KCNQ1: variants seen among roughly 807,000 people sequenced by gnomAD.
The protein encoded by KCNQ1 is potassium voltage-gated channel subfamily KQT member 1.
KCNQ1 carries 49 observed loss-of-function variants against 72.4 expected under a neutral mutation model. The ratio of observed to expected loss-of-function variants is 0.68; its 90% confidence interval spans 0.54 to 0.86. The LOEUF is 0.86. Ranked by LOEUF, KCNQ1 falls within the 40% of genes least tolerant of loss-of-function variation. The pLI is 0.00. For synonymous variants in KCNQ1, 450 were observed against 412.6 expected (o/e 1.09, Z -1.10); for missense variants, 790 against 945.1 (o/e 0.84, Z 2.15).
At chr11:2,578,389 A>T (rs983249323) in intron 6 of KCNQ1, among the ~76,000 whole-genome samples, 1 of 152,198 alleles carries the variant, frequency 6.6e-6, no homozygotes, top group South Asian at 2.1e-4. Flanking sequence ...GCCCTCACTC[A>T]TAGGGCATTG....
rs1029194196 is a variant in KCNQ1, at chr11:2,450,072, C to A, written c.386+4588C>A. On this transcript the variant is annotated intron_variant, in intron 1 of 15. Transcript: ENST00000155840. This position sits in a 1 kb window ranked among gnomAD's most constrained non-coding sequence, Gnocchi z 7.9. Reference sequence around the variant, plus strand: ...TCGGCCCTAGGCAGGGCCCCCAGTTCCCTGCATTCCACCCGCCTTGTCTGG... The same window carrying A: ...TCGGCCCTAGGCAGGGCCCCCAGTTACCTGCATTCCACCCGCCTTGTCTGG... Among the ~76,000 whole-genome samples, 1 of 152,210 alleles carries A rather than the reference C, an allele frequency of 6.6e-6. No homozygotes were observed. The highest frequency in any genetic ancestry group is 1.5e-5 in the Non-Finnish European group (1 of 68,030).
intron 1 of KCNQ1, among the ~76,000 whole-genome samples, chr11:2,453,480 A>AC (rs1299824294): frequency 6.6e-6 from 1 of 152,214 alleles, no homozygotes; most frequent in Non-Finnish European, 1.5e-5. Flanking sequence ...GTTTCTGAAA[A>AC]CAGAAGAAAA....
intron 15 of KCNQ1, among the ~76,000 whole-genome samples, chr11:2,805,618 G>A (rs948164400): frequency 3.9e-5 from 6 of 152,300 alleles, no homozygotes; most frequent in African/African-American, 9.6e-5. Context: ...GAGTTGAGTC[G>A]TTGTAACAGA....
intron 11 of KCNQ1, among the ~76,000 whole-genome samples, chr11:2,726,924 C>T (rs1237463435): frequency 6.6e-6 from 1 of 152,182 alleles, no homozygotes; most frequent in Non-Finnish European, 1.5e-5. Context: ...AAAGGGAACA[C>T]ATTTGCCTCC....
intron 1 of KCNQ1, among the ~76,000 whole-genome samples, chr11:2,469,366 C>T (rs375600148): frequency 4.6e-5 from 7 of 151,934 alleles, no homozygotes; most frequent in Non-Finnish European, 7.4e-5. Flanking sequence ...CTCTGCCTCC[C>T]GGGTTCAAGT....
chr11:2,725,646 G>T lies in KCNQ1; in HGVS notation c.1515-43198G>T, dbSNP rs1349002227. Among the ~76,000 whole-genome samples the T allele has an allele frequency of 6.6e-6, 1 of 152,164 alleles. No homozygotes were observed. The highest frequency in any genetic ancestry group is 1.5e-5 in the Non-Finnish European group (1 of 68,034). On this transcript the variant is annotated intron_variant, in intron 11 of 15. Coordinates refer to ENST00000155840, the MANE Select transcript of KCNQ1 (RefSeq NM_000218.3). This position sits in a 1 kb window ranked among gnomAD's most constrained non-coding sequence, Gnocchi z 7.2. ...CCCTTTCCATGAGGCTGGGCGCCCT[G>T]CCCTGCCTTCAGTGCCAAAGCCCCA... is the stretch of plus-strand genomic sequence containing the variant.
At position 2,549,450 on chromosome 11, in the gene KCNQ1, A is replaced by T. The variant is rs1469081501; in HGVS notation, c.478-21178A>T. Among the ~76,000 whole-genome samples the T allele has an allele frequency of 6.6e-6, 1 of 152,132 alleles. No homozygotes were observed. The highest frequency in any genetic ancestry group is 2.4e-5 in the African/African-American group (1 of 41,422). ...TTTGAGGCCTCAGATTTTCTACCTC[A>T]AAGCGATGGAACCCAGAAGACATGG... On this transcript the variant is annotated intron_variant, in intron 2 of 15. Transcript: ENST00000155840. This position sits in a 1 kb window ranked among gnomAD's most constrained non-coding sequence, Gnocchi z 6.2.
At chr11:2,805,558 C>T (rs1028738284) in intron 15 of KCNQ1, among the ~76,000 whole-genome samples, 3 of 152,214 alleles carry the variant, frequency 2.0e-5, no homozygotes, top group East Asian at 1.9e-4. Context: ...CACATAGCCA[C>T]GCCCACCGGT....
chr11:2,628,148 A>G, intron 10 of KCNQ1: 1 of 398,532 alleles, frequency 2.5e-6, no homozygotes, highest in African/African-American at 2.1e-5. Context: ...CCTTAGATAT[A>G]CCCGGAACTG....
At chr11:2,636,735 G>A (rs1229259264) in intron 10 of KCNQ1, 1 of 152,138 alleles carries the variant, frequency 6.6e-6, no homozygotes, top group Non-Finnish European at 1.5e-5. Context: ...TTTTTCTATT[G>A]TTTGGAATAG....
chr11:2,790,099 A>G (rs1177837166), intron 15 of KCNQ1, among the ~76,000 whole-genome samples: 3 of 152,130 alleles, frequency 2.0e-5, no homozygotes, highest in Non-Finnish European at 4.4e-5. Context: ...TCATATCCCA[A>G]TGACCCTCTG....
chr11:2,687,916 A>T lies in KCNQ1; in HGVS notation c.1514+25835A>T. ...CCTGGTGGGATGGAAAATCCCCAGC[A>T]GTTGTGAGGCTGCACTTCTCCCACC... On this transcript the variant is annotated intron_variant, in intron 11 of 15. Transcript: ENST00000155840. The surrounding 1 kb of genome is among the most constrained non-coding windows in gnomAD (Gnocchi z 5.0). 2.5e-6 allele frequency: 1 copy of T among 398,748 alleles called. No individual in the cohort carries two copies. Among genetic ancestry groups the T allele is most frequent in the Non-Finnish European group, 4.4e-6 (1 of 226,148 alleles). The allele number at this position is 398,748 out of a possible 1,614,324, so 24.7% of individuals were successfully genotyped here.
chr11:2,667,721 C>T (rs776739666), intron 11 of KCNQ1: 66 of 398,608 alleles, frequency 1.7e-4, no homozygotes, highest in Non-Finnish European at 2.6e-4. Flanking sequence ...GAAGCCGTGT[C>T]CCCTTAAGTG....
In KCNQ1 at chr11:2,710,892, T is replaced by G. The variant is rs1464663129; in HGVS notation, c.1514+48811T>G. On this transcript the variant is annotated intron_variant, in intron 11 of 15. Coordinates refer to ENST00000155840, the MANE Select transcript of KCNQ1 (RefSeq NM_000218.3). This position sits in a 1 kb window ranked among gnomAD's most constrained non-coding sequence, Gnocchi z 4.1. ...TTGATTGTTATAGCTTTGTAGTGAG[T>G]TTTAAAATTGGAAAGTGGGTTTTCC... Among the ~76,000 whole-genome samples, 1 of 152,244 alleles carries G rather than the reference T, an allele frequency of 6.6e-6. No individual in the cohort carries two copies. Among genetic ancestry groups the G allele is most frequent in the Non-Finnish European group, 1.5e-5 (1 of 68,044 alleles).
intron 2 of KCNQ1, 150 bp from the exon 3 acceptor site, chr11:2,570,478 C>A: frequency 1.0e-6 from 1 of 1,000,318 alleles, no homozygotes; most frequent in Non-Finnish European, 1.5e-6. Context: ...GCAGGCATCA[C>A]CATCCGCAGC....
chr11:2,620,180 AG>A lies in KCNQ1; in HGVS notation c.1393+31328del, dbSNP rs553396298. ...TCTAGCTGCATCCATGTTGCTGCAA[AG>A]GACGTAAGTTCATTCATGTATATAT... On this transcript the variant is annotated intron_variant, in intron 10 of 15. Transcript: ENST00000155840. This position sits in a 1 kb window ranked among gnomAD's most constrained non-coding sequence, Gnocchi z 4.5. 2 of 393,800 alleles carry A rather than the reference AG, an allele frequency of 5.1e-6. No homozygotes were observed. 24.4% of individuals were successfully genotyped at this position (393,800 alleles called of 1,614,324 possible). A position where few individuals can be genotyped will look rare whatever the true frequency, so the allele number is the denominator to read the frequency against.
chr11:2,641,469 C>A, intron 10 of KCNQ1: 1 of 398,132 alleles, frequency 2.5e-6, no homozygotes, highest in Non-Finnish European at 4.4e-6. Context: ...CTTTTGCTCA[C>A]TTTTTATTGG....
At chr11:2,461,684 C>T in intron 1 of KCNQ1, 2 of 1,367,208 alleles carry the variant, frequency 1.5e-6, no homozygotes, top group South Asian at 1.1e-5. Context: ...AGAGCCTGTG[C>T]TTCCTGAGCC....
chr11:2,798,694 T>C (rs1288549351), intron 15 of KCNQ1, among the ~76,000 whole-genome samples: 2 of 152,232 alleles, frequency 1.3e-5, no homozygotes, highest in East Asian at 3.8e-4. Context: ...GGTCTGGAAA[T>C]TAATTACCCT....
Sources: gnomAD v4.1 joint callset for allele counts (sites outside exome capture counted in the v4.1 genomes callset) on GRCh38, gnomAD v4.1.1 for gene constraint, Gnocchi (gnomAD v3.1) non-coding constraint, MANE v1.5 for transcripts, NCBI Gene and HGNC (gene_info 2026-07-23, HGNC 2026-07-21) for gene names.